LYPD6B: variants seen among roughly 807,000 people sequenced by gnomAD.
LYPD6B encodes the protein LY6/PLAUR domain containing 6B, also known as ly6/PLAUR domain-containing protein 6B.
Under a neutral mutation model 22.8 loss-of-function variants are expected in LYPD6B, and 17 were observed. The observed-to-expected ratio is 0.75, with a 90% confidence interval of 0.51 to 1.12. The LOEUF (loss-of-function observed/expected upper bound fraction) is 1.12. LYPD6B is among the 50% of genes most tolerant of loss of function. LYPD6B has a pLI of 0.00. For synonymous variants in LYPD6B, 106 were observed against 91.6 expected (o/e 1.16, Z -0.90); for missense variants, 221 against 258.3 (o/e 0.86, Z 0.99).
intron 2 of LYPD6B, among the ~76,000 whole-genome samples, chr2:149,133,684 T>G (rs1470969901): frequency 6.6e-6 from 1 of 152,206 alleles, no homozygotes; most frequent in Non-Finnish European, 1.5e-5. Flanking sequence ...TGGCTTTGAC[T>G]TTTTGTAGAG....
chr2:149,084,100 A>AAAAT (rs1558987897), intron 1 of LYPD6B, among the ~76,000 whole-genome samples: 1 of 71,684 alleles, frequency 1.4e-5, no homozygotes, highest in Admixed American at 1.8e-4. Context: ...CTCCATCTCA[A>AAAAT]AAATAAAATA....
At chr2:149,072,498 TTTTA>T (rs1684662586) in intron 1 of LYPD6B, among the ~76,000 whole-genome samples, 3 of 139,572 alleles carry the variant, frequency 2.1e-5, no homozygotes, top group African/African-American at 8.4e-5. Context: ...TTTTATTTTA[TTTTA>T]TTTTATTTTA....
intron 3 of LYPD6B, among the ~76,000 whole-genome samples, chr2:149,185,251 G>A (rs1005179274): frequency 1.3e-5 from 2 of 152,154 alleles, no homozygotes; most frequent in African/African-American, 4.8e-5. Context: ...AGGGTCTGAA[G>A]CCCAAAACTA....
intron 3 of LYPD6B, among the ~76,000 whole-genome samples, chr2:149,191,656 CTA>C (rs1280984204): frequency 6.6e-6 from 1 of 152,140 alleles, no homozygotes; most frequent in Non-Finnish European, 1.5e-5. Context: ...CCAACTCATA[CTA>C]TATAAAAATT....
At chr2:149,185,652 T>C (rs562068682) in intron 3 of LYPD6B, among the ~76,000 whole-genome samples, 27 of 152,192 alleles carry the variant, frequency 1.8e-4, no homozygotes, top group Non-Finnish European at 3.8e-4. Context: ...GCCTACCTTG[T>C]TTTATTGCAT....
chr2:149,079,928 G>A (rs1215474689), intron 1 of LYPD6B, among the ~76,000 whole-genome samples: 1 of 152,152 alleles, frequency 6.6e-6, no homozygotes, highest in Admixed American at 6.5e-5. Flanking sequence ...TAAACTGGGT[G>A]GCTTTGTGAT....
intron 3 of LYPD6B, among the ~76,000 whole-genome samples, chr2:149,163,080 GC>G (rs1229000863): frequency 2.0e-5 from 3 of 152,122 alleles, no homozygotes; most frequent in Non-Finnish European, 4.4e-5. Context: ...CTTGCCTGGA[GC>G]CCAGATTCAG....
At chr2:149,133,356 A>G (rs957196468) in intron 2 of LYPD6B, among the ~76,000 whole-genome samples, 2 of 152,198 alleles carry the variant, frequency 1.3e-5, no homozygotes, top group African/African-American at 4.8e-5. Context: ...CAATATATTC[A>G]TTAGTATAGT....
intron 1 of LYPD6B, among the ~76,000 whole-genome samples, chr2:149,118,000 C>G (rs545062453): frequency 6.6e-6 from 1 of 152,220 alleles, no homozygotes; most frequent in East Asian, 1.9e-4. Flanking sequence ...GCAAATTGGT[C>G]CTTCTCCATG....
chr2:149,127,261 T>C (rs1372675110), intron 1 of LYPD6B, among the ~76,000 whole-genome samples: 1 of 152,214 alleles, frequency 6.6e-6, no homozygotes, highest in African/African-American at 2.4e-5. Context: ...TTTTGTTTTC[T>C]TATGTTTTGA....
chr2:149,170,825 C>T (rs1482206834), intron 3 of LYPD6B, among the ~76,000 whole-genome samples: 2 of 152,192 alleles, frequency 1.3e-5, no homozygotes, highest in Non-Finnish European at 2.9e-5. Flanking sequence ...ATTCTAACAG[C>T]TATTCTGTCA....
chr2:149,048,826 C>T (rs960200230), intron 1 of LYPD6B, among the ~76,000 whole-genome samples: 5 of 152,144 alleles, frequency 3.3e-5, no homozygotes, highest in Non-Finnish European at 5.9e-5. Flanking sequence ...GGTGTCGTTT[C>T]CCTTCCACTT....
chr2:149,074,015 C>T (rs1004667588), intron 1 of LYPD6B, among the ~76,000 whole-genome samples: 2 of 152,112 alleles, frequency 1.3e-5, no homozygotes, highest in Admixed American at 6.5e-5. Context: ...AAAATCAGAG[C>T]CCATACAAGC....
chr2:149,147,578 G>A (rs968509539), intron 2 of LYPD6B, among the ~76,000 whole-genome samples: 10 of 152,062 alleles, frequency 6.6e-5, no homozygotes, highest in Non-Finnish European at 1.5e-4. Flanking sequence ...CAGTGGCACA[G>A]TTTCAGTTCA....
Position 149,130,311 on chromosome 2 carries a change from GGGA to G in LYPD6B, c.-66-567_-66-565del, listed in dbSNP as rs150310039. 6.4e-3 allele frequency among the ~76,000 whole-genome samples: 977 copies of G among 152,280 alleles called. 12 individuals carry two copies. The highest frequency in any genetic ancestry group is 0.022 in the African/African-American group (922 of 41,544). On this transcript the variant is annotated intron_variant, in intron 1 of 6. Transcript: ENST00000409642. ...AAAGCTCTTTAAATGCCTTTTGAAG[GGGA>G]GGAGAAGAGAAGTCGCTAGTTTAAT...
At chr2:149,175,044 T>A in intron 3 of LYPD6B, among the ~76,000 whole-genome samples, 1 of 132,208 alleles carries the variant, frequency 7.6e-6, no homozygotes, top group Non-Finnish European at 1.6e-5. Context: ...TCTCTCTCTC[T>A]CTCTCTCTCT....
intron 5 of LYPD6B, 68 bp from the exon 6 acceptor site, chr2:149,212,924 C>T (rs1693963354): frequency 6.7e-7 from 1 of 1,499,062 alleles, no homozygotes; most frequent in African/African-American, 1.4e-5. Context: ...GTTAAGAGAT[C>T]TCTTTTGTAA....
intron 1 of LYPD6B, among the ~76,000 whole-genome samples, chr2:149,074,466 T>C (rs1684790074): frequency 6.6e-6 from 1 of 152,156 alleles, no homozygotes; most frequent in Admixed American, 6.5e-5. Context: ...TGATAGGTGA[T>C]AGGAAGTTCT....
chr2:149,081,849 G>T lies in LYPD6B; in HGVS notation c.-67+43048G>T, dbSNP rs202222198. Among the ~76,000 whole-genome samples the T allele has an allele frequency of 7.2e-5, 11 of 152,190 alleles. No homozygotes were observed. The East Asian group carries it at 2.1e-3, about 29-fold the overall frequency. ...AGCCCTAGAGTATGTACTTTTTAGT[G>T]TCTGACTTCTTTAGGTCAACATTAT... On this transcript the variant is annotated intron_variant, in intron 1 of 6. Coordinates refer to ENST00000409642, the MANE Select transcript of LYPD6B (RefSeq NM_177964.5).
Sources: allele counts gnomAD v4.1 joint callset (sites outside exome capture counted in the v4.1 genomes callset), GRCh38; gene constraint gnomAD v4.1.1; transcripts MANE v1.5; gene names NCBI Gene and HGNC (gene_info 2026-07-23, HGNC 2026-07-21).